Variants in DCC observed in about 807,000 individuals in gnomAD.
DCC encodes netrin receptor DCC.
Under a neutral mutation model 172.5 loss-of-function variants are expected in DCC, and 58 were observed. That is an observed-to-expected ratio of 0.34 (90% CI 0.27 to 0.42). The LOEUF is 0.42. Among genes scored for constraint, DCC ranks in the 10% least tolerant of loss-of-function variants. DCC has a pLI of 1.00. For missense variants in DCC, 1,740 were observed against 1,791.0 expected (o/e 0.97, Z 0.51); for synonymous variants, 709 against 644.5 (o/e 1.10, Z -1.52).
chr18:52,394,445 G>GT (rs760727819), intron 1 of DCC, among the ~76,000 whole-genome samples: 5,487 of 146,640 alleles, frequency 0.037, 172 homozygotes, highest in South Asian at 0.15. Context: ...TTTTAAAGTG[G>GT]TTTTTTTTTT....
At chr18:52,414,764 A>G (rs1986961133) in intron 1 of DCC, among the ~76,000 whole-genome samples, 1 of 152,188 alleles carries the variant, frequency 6.6e-6, no homozygotes, top group South Asian at 2.1e-4. Flanking sequence ...ATTAACTTTA[A>G]TTATAGGAGC....
At chr18:52,707,624 C>A (rs997902392) in intron 1 of DCC, among the ~76,000 whole-genome samples, 2 of 152,134 alleles carry the variant, frequency 1.3e-5, no homozygotes, top group Admixed American at 1.3e-4. Flanking sequence ...AAGTGTCCAT[C>A]AAAGGATGAA....
chr18:52,415,915 C>T (rs1008873146), intron 1 of DCC, among the ~76,000 whole-genome samples: 8 of 152,132 alleles, frequency 5.3e-5, no homozygotes, highest in African/African-American at 9.7e-5. Flanking sequence ...CGTCTGCTAG[C>T]TTTTGAATAT....
intron 1 of DCC, among the ~76,000 whole-genome samples, chr18:52,747,348 C>A (rs141593073): frequency 6.6e-6 from 1 of 152,276 alleles, no homozygotes; most frequent in Non-Finnish European, 1.5e-5. Flanking sequence ...AAGGGGATGG[C>A]CATTGGACAT....
chr18:52,690,500 G>C (rs1369387106), intron 1 of DCC, among the ~76,000 whole-genome samples: 2 of 152,114 alleles, frequency 1.3e-5, no homozygotes, highest in African/African-American at 2.4e-5. Flanking sequence ...AAATGAAATA[G>C]TTGAAAAATA....
intron 14 of DCC, among the ~76,000 whole-genome samples, chr18:53,327,787 C>T (rs1254696318): frequency 6.6e-6 from 1 of 152,112 alleles, no homozygotes; most frequent in African/African-American, 2.4e-5. Flanking sequence ...TCACTTGATG[C>T]TCATATGGGA....
intron 1 of DCC, among the ~76,000 whole-genome samples, chr18:52,600,162 G>A (rs987109831): frequency 2.6e-5 from 4 of 151,988 alleles, no homozygotes; most frequent in African/African-American, 4.8e-5. Context: ...GCTCTCAGTC[G>A]ACCTGGAATA....
chr18:53,432,066 G>C lies in DCC; in HGVS notation c.3164-3078G>C, dbSNP rs148625881. Reference sequence around the variant, plus strand: ...TAAATATAACTATGAAACATATAAAGTTATGTGACTGAAAATAAAACATTT... The same window carrying C: ...TAAATATAACTATGAAACATATAAACTTATGTGACTGAAAATAAAACATTT... On this transcript the variant is annotated intron_variant, in intron 21 of 28. Transcript: ENST00000442544. Among the ~76,000 whole-genome samples the C allele has an allele frequency of 3.8e-4, 58 of 152,138 alleles. No homozygotes were observed. In the East Asian group the frequency reaches 0.011, roughly 28 times the overall value.
intron 8 of DCC, among the ~76,000 whole-genome samples, chr18:53,158,684 C>T (rs1476266322): frequency 2.6e-5 from 4 of 151,860 alleles, no homozygotes; most frequent in African/African-American, 9.7e-5. Context: ...TACAAATTGA[C>T]CTTACTTTAA....
chr18:52,594,439 C>A (rs2033866421), intron 1 of DCC, among the ~76,000 whole-genome samples: 1 of 152,162 alleles, frequency 6.6e-6, no homozygotes, highest in Non-Finnish European at 1.5e-5. Context: ...TAGTGACCTG[C>A]TGACTTTGGC....
chr18:52,762,335 A>G (rs8085440), intron 2 of DCC, among the ~76,000 whole-genome samples: 31,726 of 151,918 alleles, frequency 0.21, 4,707 homozygotes, highest in African/African-American at 0.42. Flanking sequence ...TTACCTGGCT[A>G]TGGTGGTGCA....
At chr18:52,728,269 T>C (rs1048383405) in intron 1 of DCC, among the ~76,000 whole-genome samples, 2 of 152,200 alleles carry the variant, frequency 1.3e-5, no homozygotes, top group Non-Finnish European at 2.9e-5. Flanking sequence ...TCAGTAGTTG[T>C]TACTGTTATA....
chr18:53,476,668 A>C (rs1011575530), intron 25 of DCC, among the ~76,000 whole-genome samples: 3 of 152,164 alleles, frequency 2.0e-5, no homozygotes, highest in African/African-American at 7.2e-5. Flanking sequence ...GATCATGAAA[A>C]CAGACTAATA....
chr18:53,517,399 GTAAC>G (rs1466256521), intron 27 of DCC, among the ~76,000 whole-genome samples: 1 of 151,260 alleles, frequency 6.6e-6, no homozygotes, highest in East Asian at 1.9e-4. Context: ...GTATACATAT[GTAAC>G]TAACCTGCAC....
At chr18:53,092,104 T>C (rs2043022405) in intron 7 of DCC, among the ~76,000 whole-genome samples, 1 of 152,160 alleles carries the variant, frequency 6.6e-6, no homozygotes, top group Non-Finnish European at 1.5e-5. Context: ...ATTTTTTGTG[T>C]TCATTTTCGT....
chr18:53,478,714 C>T lies in DCC; in HGVS notation c.3737-8083C>T, dbSNP rs565609461. Among the ~76,000 whole-genome samples the T allele has an allele frequency of 3.9e-5, 6 of 152,304 alleles. 1 individual carries two copies. The South Asian group carries it at 1.2e-3, about 32-fold the overall frequency. ...AGAACATTCACTATGAGAGCCAATG[C>T]TCTCCTTCCCTTTCCCACCATCTGC... On this transcript the variant is annotated intron_variant, in intron 25 of 28. Coordinates refer to ENST00000442544, the MANE Select transcript of DCC (RefSeq NM_005215.4).
chr18:52,870,228 C>T (rs1163955494), intron 2 of DCC, among the ~76,000 whole-genome samples: 1 of 152,020 alleles, frequency 6.6e-6, no homozygotes, highest in Admixed American at 6.6e-5. Context: ...GGAACAGAGT[C>T]CGGAGTGGTG....
At chr18:53,463,738 C>T (rs570899900) in intron 24 of DCC, among the ~76,000 whole-genome samples, 1 of 152,050 alleles carries the variant, frequency 6.6e-6, no homozygotes, top group Non-Finnish European at 1.5e-5. Flanking sequence ...AAATCTGACC[C>T]CAAATTAATG....
intron 1 of DCC, among the ~76,000 whole-genome samples, chr18:52,404,894 T>A (rs904205675): frequency 2.0e-5 from 3 of 148,370 alleles, no homozygotes; most frequent in African/African-American, 7.4e-5. Context: ...TTCCCACCTA[T>A]GAGTGAGAAT....
Sources: gnomAD v4.1 joint callset for allele counts (sites outside exome capture counted in the v4.1 genomes callset) on GRCh38, gnomAD v4.1.1 for gene constraint, MANE v1.5 for transcripts, NCBI Gene and HGNC (gene_info 2026-07-23, HGNC 2026-07-21) for gene names.